The following EFL1 variants were observed in gnomAD, a reference collection of about 807,000 sequenced individuals.
EFL1 encodes the protein elongation factor-like GTPase 1.
A neutral mutation model predicts 126.7 loss-of-function variants in EFL1; 76 were observed. That is an observed-to-expected ratio of 0.60 (90% CI 0.50 to 0.73). The LOEUF is 0.73. Ranked by LOEUF, EFL1 falls within the 30% of genes least tolerant of loss-of-function variation. The probability of loss-of-function intolerance (pLI) is 0.00; values close to 1 mark genes in which losing one functional copy is unlikely to be tolerated. For missense variants in EFL1, 1,128 were observed against 1,343.2 expected, an observed-to-expected ratio of 0.84 and a Z score of 2.50; for synonymous variants, 410 against 448.4, an observed-to-expected ratio of 0.91 and a Z score of 1.08.
intron 7 of EFL1, among the ~76,000 whole-genome samples, chr15:82,234,375 C>G (rs1173292859): frequency 1.3e-5 from 2 of 152,090 alleles, no homozygotes; most frequent in Non-Finnish European, 2.9e-5. Context: ...AAACTGAGGC[C>G]TAGAAAGGTG....
Position 82,150,931 on chromosome 15 carries a change from C to T in EFL1, c.2989+534G>A, listed in dbSNP as rs549447544. ...ACCTCATTTAGCAGACCTCTCATTA[C>T]GGAAAGGATTCTATTTGTTGCAAAA... On this transcript the variant is annotated intron_variant, in intron 18 of 19. Transcript: ENST00000268206. Among the ~76,000 whole-genome samples the T allele has an allele frequency of 4.6e-5, 7 of 152,218 alleles. No individual in the cohort carries two copies. In the South Asian group the frequency reaches 1.0e-3, roughly 23 times the overall value.
chr15:82,192,472 G>A (rs186399044), intron 15 of EFL1, among the ~76,000 whole-genome samples: 3 of 151,628 alleles, frequency 2.0e-5, no homozygotes, highest in East Asian at 3.9e-4. Context: ...GGAACCTACC[G>A]AAATAATTAA....
At chr15:82,165,475 T>C (rs1362080898) in intron 15 of EFL1, among the ~76,000 whole-genome samples, 1 of 152,146 alleles carries the variant, frequency 6.6e-6, no homozygotes, top group African/African-American at 2.4e-5. Flanking sequence ...GTACACAAAC[T>C]TGGAGGATAA....
chr15:82,225,296 T>G, intron 11 of EFL1, 32 bp from the exon 12 acceptor site: 1 of 1,449,170 alleles, frequency 6.9e-7, no homozygotes. Context: ...ATGTCACTAT[T>G]TTTCCCATTA....
intron 11 of EFL1, among the ~76,000 whole-genome samples, chr15:82,225,575 T>G (rs1388545426): frequency 6.6e-6 from 1 of 152,222 alleles, no homozygotes; most frequent in Non-Finnish European, 1.5e-5. Context: ...CCATAAGCAC[T>G]AATACATTTT....
rs551841218 is a variant in EFL1 at position 82,142,495 on chromosome 15, G to A, written c.2990-3653C>T. 2.0e-5 allele frequency among the ~76,000 whole-genome samples: 3 copies of A among 152,128 alleles called. No individual in the cohort carries two copies. In the East Asian group the frequency reaches 5.8e-4, roughly 29 times the overall value. On this transcript the variant is annotated intron_variant, in intron 18 of 19. Transcript: ENST00000268206. ...ACTGGGCAGGACCCTGTGGGAGGGA[G>A]GGATGGAGGCAGGAAGGAATTGACA...
intron 18 of EFL1, among the ~76,000 whole-genome samples, chr15:82,144,261 C>CAA (rs11378860): frequency 7.9e-4 from 114 of 143,870 alleles, no homozygotes; most frequent in Non-Finnish European, 1.0e-3. Flanking sequence ...GTCTCCAAAA[C>CAA]AAAAAAAAAA....
At position 82,220,125 on chromosome 15, in the gene EFL1, T is replaced by A; in HGVS notation, c.1397A>T (p.Gln466Leu). ...ACATGTTTCAATGGCACTCCCATCT[T>A]GGGTGGGCTCCAAGGGTGCCTGTCC... is the stretch of plus-strand genomic sequence containing the variant. ...AQGQAPLEPT[Q>L]DGSAIETCPK... is the part of the protein sequence containing the mutation. Residue 466 changes from glutamine to leucine, a missense_variant, in exon 13 of 20, where the codon CAA becomes CTA. Coordinates refer to ENST00000268206, the MANE Select transcript of EFL1 (RefSeq NM_024580.6). 6.2e-7 allele frequency: 1 copy of A among 1,613,744 alleles called. No individual in the cohort carries two copies. The highest frequency in any genetic ancestry group is 8.5e-7 in the Non-Finnish European group (1 of 1,179,828).
intron 15 of EFL1, among the ~76,000 whole-genome samples, chr15:82,167,436 T>C (rs2074091461): frequency 6.6e-6 from 1 of 152,202 alleles, no homozygotes; most frequent in African/African-American, 2.4e-5. Flanking sequence ...GTAAAGACTG[T>C]TGAGCCAAAT....
intron 15 of EFL1, among the ~76,000 whole-genome samples, chr15:82,202,254 T>C (rs1430817336): frequency 6.6e-6 from 1 of 151,988 alleles, no homozygotes; most frequent in Non-Finnish European, 1.5e-5. Flanking sequence ...AGAGTACTTT[T>C]CCCCCAGAAA....
rs1304417269 is a variant in EFL1 at position 82,131,740 on chromosome 15, C to T, written c.3175-1179G>A. Among the ~76,000 whole-genome samples the T allele has an allele frequency of 7.9e-5, 12 of 151,766 alleles. No homozygotes were observed. The East Asian group carries it at 2.1e-3, about 27-fold the overall frequency. On this transcript the variant is annotated intron_variant, in intron 19 of 19. Coordinates refer to ENST00000268206, the MANE Select transcript of EFL1 (RefSeq NM_024580.6). ...CCAGGAGGTGGAGGTTGTGGTGAGC[C>T]AAGATCACACCATTGCACTCCAGCC...
At chr15:82,145,010 A>T (rs956748906) in intron 18 of EFL1, among the ~76,000 whole-genome samples, 1 of 151,078 alleles carries the variant, frequency 6.6e-6, no homozygotes, top group African/African-American at 2.4e-5. Flanking sequence ...AAAAAAAAAA[A>T]GGAAACAGCG....
intron 15 of EFL1, among the ~76,000 whole-genome samples, chr15:82,183,069 AG>A (rs1213246203): frequency 6.6e-6 from 1 of 152,186 alleles, no homozygotes. Context: ...GGGAACTGGG[AG>A]GTGACAGCCC....
chr15:82,231,586 T>C (rs1224166911), intron 7 of EFL1, among the ~76,000 whole-genome samples: 1 of 152,062 alleles, frequency 6.6e-6, no homozygotes, highest in Admixed American at 6.6e-5. Context: ...AAATACCTTT[T>C]CTTTAGAGAA....
chr15:82,217,053 A>C (rs1044389363), intron 14 of EFL1, among the ~76,000 whole-genome samples: 8 of 152,144 alleles, frequency 5.3e-5, no homozygotes, highest in Non-Finnish European at 1.2e-4. Flanking sequence ...CGAGAACACA[A>C]GATTGACCAA....
At chr15:82,228,130 G>C in intron 10 of EFL1, 61 bp downstream of exon 10, 3 of 1,531,658 alleles carry the variant, frequency 2.0e-6, no homozygotes, top group Non-Finnish European at 1.8e-6. Context: ...TTACCATAAC[G>C]CATTGTTTTT....
intron 15 of EFL1, among the ~76,000 whole-genome samples, chr15:82,197,123 G>C (rs1227268736): frequency 1.3e-5 from 2 of 151,860 alleles, no homozygotes; most frequent in Non-Finnish European, 2.9e-5. Flanking sequence ...AAACTGTTTA[G>C]AAAGTGAAAA....
Position 82,163,855 on chromosome 15 carries a change from G to T in EFL1, c.1880C>A (p.Pro627Gln). ...IVRVAVEPKHPSEMPQLVKGM... is the reference protein window; with the variant it reads ...IVRVAVEPKHQSEMPQLVKGM... ...TTTTAAAAATAAGGTCATCTTACTT[G>T]GATGTTTTGGTTCAACAGCAACTCT... Residue 627 changes from proline to glutamine, a missense_variant and splice_region_variant, in exon 16 of 20, where the codon CCA (proline) becomes CAA (glutamine). Physicochemically the swap from Pro to Gln is moderately conservative, Grantham distance 76. Transcript: ENST00000268206. 1 of 1,613,662 alleles carries T rather than the reference G, an allele frequency of 6.2e-7. No individual in the cohort carries two copies. Among genetic ancestry groups the T allele is most frequent in the Non-Finnish European group, 8.5e-7 (1 of 1,179,852 alleles).
intron 15 of EFL1, among the ~76,000 whole-genome samples, chr15:82,180,365 A>C (rs371302320): frequency 0.24 from 25,546 of 106,592 alleles, 2,336 homozygotes; most frequent in Non-Finnish European, 0.27. Context: ...CTGGCAAAAA[A>C]AAAAAAACAA....
Sources: gnomAD v4.1 joint callset for allele counts (sites outside exome capture counted in the v4.1 genomes callset) on GRCh38, gnomAD v4.1.1 for gene constraint, MANE v1.5 for transcripts, NCBI Gene and HGNC (gene_info 2026-07-23, HGNC 2026-07-21) for gene names.